Variants in EPYC observed in about 807,000 individuals in gnomAD.
EPYC encodes dermatan sulfate proteoglycan 3.
A neutral mutation model predicts 30.1 loss-of-function variants in EPYC; 28 were observed. The observed-to-expected ratio is 0.93, with a 90% CI of 0.69 to 1.28. The LOEUF (loss-of-function observed/expected upper bound fraction) is 1.28, where lower values mean the gene tolerates loss of function less well. EPYC is among the 50% of genes most tolerant of loss of function. The pLI is 0.00. For missense variants in EPYC, 382 were observed against 383.5 expected (o/e 1.00, Z 0.03); for synonymous variants, 144 against 141.4 (o/e 1.02, Z -0.13).
chr12:90,975,880 A>G (rs771653289), intron 3 of EPYC, among the ~76,000 whole-genome samples: 1 of 152,130 alleles, frequency 6.6e-6, no homozygotes, highest in Non-Finnish European at 1.5e-5. Flanking sequence ...AGAATATAAT[A>G]TATTCATTAA....
At chr12:90,967,501 T>C (rs1238344437) in intron 6 of EPYC, among the ~76,000 whole-genome samples, 1 of 152,224 alleles carries the variant, frequency 6.6e-6, no homozygotes, top group African/African-American at 2.4e-5. Flanking sequence ...TACTAATACT[T>C]GTTTTGTGGC....
intron 6 of EPYC, among the ~76,000 whole-genome samples, chr12:90,964,544 T>C (rs1292141368): frequency 6.6e-6 from 1 of 152,106 alleles, no homozygotes; most frequent in Non-Finnish European, 1.5e-5. Context: ...GTAAGAGAAA[T>C]ACAATTTGAG....
intron 2 of EPYC, among the ~76,000 whole-genome samples, chr12:91,001,818 T>C (rs1025105155): frequency 1.3e-5 from 2 of 152,100 alleles, no homozygotes; most frequent in African/African-American, 4.8e-5. Flanking sequence ...TAATTTTCTC[T>C]GTTCTAACTT....
At chr12:90,977,855 T>C (rs964677966) in intron 3 of EPYC, among the ~76,000 whole-genome samples, 4 of 152,110 alleles carry the variant, frequency 2.6e-5, no homozygotes, top group African/African-American at 9.7e-5. Context: ...TGATACACAA[T>C]ATTTTCATCC....
In EPYC at chr12:90,978,174, T is replaced by G. The variant is rs137968283; in HGVS notation, c.254A>C (p.Glu85Ala). 8 of 1,606,224 alleles carry G rather than the reference T, an allele frequency of 5.0e-6. No homozygotes were observed. The African/African-American group carries it at 1.1e-4, about 22-fold the overall frequency. Residue 85 changes from glutamate to alanine, a missense_variant, in exon 3 of 7, where the codon GAG (glutamate) becomes GCG (alanine). Transcript: ENST00000261172. ...AATCAGCCTGGGAGTAGATTCCTCC[T>G]CCTCTTCCTCTTCCTGGGCCTTCTC... The part of the protein sequence containing the change: ...QPEKAQEEEE[E>A]EESTPRLIDG...
chr12:90,982,583 C>A (rs141915050), intron 2 of EPYC, among the ~76,000 whole-genome samples: 1 of 152,094 alleles, frequency 6.6e-6, no homozygotes, highest in East Asian at 1.9e-4. Context: ...CTGGACTATT[C>A]TTTTCTCTCC....
At chr12:90,980,193 C>T (rs1457397823) in intron 2 of EPYC, among the ~76,000 whole-genome samples, 1 of 152,050 alleles carries the variant, frequency 6.6e-6, no homozygotes, top group African/African-American at 2.4e-5. Flanking sequence ...AAATTCCAGA[C>T]ACGTTGCCTT....
chr12:90,994,269 A>G (rs756143990), intron 2 of EPYC, among the ~76,000 whole-genome samples: 4 of 152,202 alleles, frequency 2.6e-5, no homozygotes, highest in Non-Finnish European at 5.9e-5. Flanking sequence ...TCATCAGCAC[A>G]TAAGCTTCAG....
intron 2 of EPYC, among the ~76,000 whole-genome samples, chr12:90,991,021 TAATC>T (rs944579085): frequency 5.9e-5 from 9 of 152,160 alleles, no homozygotes; most frequent in Admixed American, 2.0e-4. Context: ...TTTATGTCTT[TAATC>T]AGAGTTTTGA....
At chr12:90,995,927 T>C (rs1481490648) in intron 2 of EPYC, among the ~76,000 whole-genome samples, 1 of 151,912 alleles carries the variant, frequency 6.6e-6, no homozygotes, top group Non-Finnish European at 1.5e-5. Context: ...GATTAGCTTT[T>C]ATTTTTCACG....
chr12:90,994,338 G>T (rs1335918899), intron 2 of EPYC, among the ~76,000 whole-genome samples: 1 of 152,084 alleles, frequency 6.6e-6, no homozygotes, highest in Non-Finnish European at 1.5e-5. Context: ...TTAAACATTT[G>T]CTATGTACCA....
intron 2 of EPYC, among the ~76,000 whole-genome samples, chr12:90,986,148 G>T (rs1281887878): frequency 6.6e-6 from 1 of 151,874 alleles, no homozygotes; most frequent in East Asian, 1.9e-4. Context: ...CCCATTTGTT[G>T]TCCCCTGCTT....
intron 2 of EPYC, among the ~76,000 whole-genome samples, chr12:90,980,976 A>G (rs11105901): frequency 0.86 from 130,875 of 152,134 alleles, 56,537 homozygotes; most frequent in South Asian, 0.95. Flanking sequence ...GTACCAGCAG[A>G]GTACATCTTT....
chr12:90,974,752 T>G (rs568610143), intron 3 of EPYC, among the ~76,000 whole-genome samples: 1 of 152,244 alleles, frequency 6.6e-6, no homozygotes, highest in African/African-American at 2.4e-5. Flanking sequence ...ACTGAGAAAT[T>G]GCATTTTCTT....
intron 2 of EPYC, among the ~76,000 whole-genome samples, chr12:90,979,069 TTAAGTAA>T: frequency 6.6e-6 from 1 of 152,296 alleles, no homozygotes; most frequent in East Asian, 1.9e-4. Context: ...CTTGTACATT[TTAAGTAA>T]TAGAATCATT....
At chr12:91,002,676 C>G in intron 1 of EPYC, 98 bp from the exon 2 acceptor site, 1 of 920,936 alleles carries the variant, frequency 1.1e-6, no homozygotes, top group Non-Finnish European at 1.6e-6. Context: ...TATCAAAGAA[C>G]TCAAGCTGGT....
At chr12:90,972,735 T>G in intron 4 of EPYC, 87 bp downstream of exon 4, 1 of 1,189,714 alleles carries the variant, frequency 8.4e-7, no homozygotes, top group Non-Finnish European at 1.1e-6. Context: ...GGCATTCAAG[T>G]TTCATTCTCA....
chr12:90,976,336 T>A (rs1041622312), intron 3 of EPYC, among the ~76,000 whole-genome samples: 4 of 152,140 alleles, frequency 2.6e-5, no homozygotes, highest in Admixed American at 1.3e-4. Context: ...ATCAATAGAA[T>A]TTTCATAACT....
chr12:90,978,115 C>A lies in EPYC; in HGVS notation c.313G>T (p.Gly105Trp). ...GSSPQEPEFT[G>W]VLGPHTNEDF... ...TCATTTGTGTGTGGCCCCAGAACCC[C>A]TGTGAATTCAGGCTCCTGGGGAGAA... Residue 105 changes from glycine (G) to tryptophan (W), a missense_variant, in exon 3 of 7, where the codon GGG becomes TGG. Transcript: ENST00000261172. 2 of 1,588,712 alleles carry A rather than the reference C, an allele frequency of 1.3e-6. No homozygotes were observed.
Sources: gnomAD v4.1 joint callset for allele counts (sites outside exome capture counted in the v4.1 genomes callset) on GRCh38, gnomAD v4.1.1 for gene constraint, MANE v1.5 for transcripts, NCBI Gene and HGNC (gene_info 2026-07-23, HGNC 2026-07-21) for gene names.